Variants in COL19A1 observed in about 807,000 individuals in gnomAD.
COL19A1 encodes collagen alpha-1(XIX) chain.
COL19A1 carries 159 observed loss-of-function variants against 190.2 expected under a neutral mutation model. The observed-to-expected ratio is 0.84, with a 90% confidence interval of 0.73 to 0.95. The LOEUF (loss-of-function observed/expected upper bound fraction) is 0.95. Ranked by LOEUF, COL19A1 falls within the 40% of genes least tolerant of loss-of-function variation. The probability of loss-of-function intolerance (pLI) is 0.00; values close to 1 mark genes in which losing one functional copy is unlikely to be tolerated. For synonymous variants in COL19A1, 509 were observed against 458.9 expected (o/e 1.11, Z -1.39); for missense variants, 1,418 against 1,431.9 (o/e 0.99, Z 0.16).
At chr6:69,963,347 G>T (rs1188531533) in intron 11 of COL19A1, among the ~76,000 whole-genome samples, 1 of 152,172 alleles carries the variant, frequency 6.6e-6, no homozygotes, top group Non-Finnish European at 1.5e-5. Flanking sequence ...TAAAGGCATG[G>T]TTTAAAAAGT....
In COL19A1 at chr6:70,023,705, A is replaced by G; in HGVS notation, c.1080+25A>G. 1.3e-6 allele frequency: 2 copies of G among 1,593,444 alleles called. 1 individual carries two copies. Among genetic ancestry groups the G allele is most frequent in the South Asian group, 2.3e-5 (2 of 87,976 alleles). ...TGTAAGCCTAACTCTTTTTTCTGAT[A>G]CTCTGTTTACATTTTACCACTAAGA... On this transcript the variant is annotated intron_variant, in intron 12 of 50. Coordinates refer to ENST00000620364, the MANE Select transcript of COL19A1 (RefSeq NM_001858.6).
intron 15 of COL19A1, among the ~76,000 whole-genome samples, chr6:70,098,164 T>A (rs999902872): frequency 6.6e-6 from 1 of 152,058 alleles, no homozygotes; most frequent in African/African-American, 2.4e-5. Context: ...GCAAAGAAAA[T>A]AACAAAGATT....
chr6:70,102,171 A>T lies in COL19A1; in HGVS notation c.1227A>T (p.Gly409=), dbSNP rs1161034092. Residue 409 remains glycine, a splice_region_variant and synonymous_variant, in exon 16 of 51, where the codon GGA becomes GGT. Coordinates refer to ENST00000620364, the MANE Select transcript of COL19A1 (RefSeq NM_001858.6). The stretch of plus-strand genomic sequence containing the variant: ...ATCTATTCTTCTTTGGTTTCAAGGG[A>T]AGACGAGGGAAAACAGGACCTCCCG... The part of the protein sequence containing the change: ...QGPPGKEGQR[G]RRGKTGPPGK... 1 of 1,612,440 alleles carries T rather than the reference A, an allele frequency of 6.2e-7. No homozygotes were observed. Among genetic ancestry groups the T allele is most frequent in the South Asian group, 1.1e-5 (1 of 91,034 alleles).
chr6:70,098,468 C>T lies in COL19A1; in HGVS notation c.1225-3701C>T, dbSNP rs183662331. 9.9e-5 allele frequency: 50 copies of T among 506,984 alleles called. No homozygotes were observed. The East Asian group carries it at 2.0e-3, about 20-fold the overall frequency. 31.4% of individuals were successfully genotyped at this position (506,984 alleles called of 1,614,324 possible). Reference sequence around the variant, plus strand: ...TTCTCAGAATCCACGCCTGAATCTGCGGTATACAATATTCAGGTGCCTCAT... The same window carrying T: ...TTCTCAGAATCCACGCCTGAATCTGTGGTATACAATATTCAGGTGCCTCAT... On this transcript the variant is annotated intron_variant, in intron 15 of 50. Transcript: ENST00000620364.
chr6:70,156,790 A>C (rs1787469072), intron 34 of COL19A1, 67 bp downstream of exon 34: 1 of 1,313,786 alleles, frequency 7.6e-7, no homozygotes, highest in Non-Finnish European at 1.1e-6. Context: ...AACAGAGTAA[A>C]AATGTTAATT....
At chr6:70,077,104 C>T (rs1781929018) in intron 15 of COL19A1, among the ~76,000 whole-genome samples, 1 of 152,062 alleles carries the variant, frequency 6.6e-6, no homozygotes, top group Non-Finnish European at 1.5e-5. Context: ...ACTTTGAAAG[C>T]CAGCAAATTA....
chr6:70,131,670 G>A (rs1785532066), intron 18 of COL19A1, among the ~76,000 whole-genome samples: 1 of 151,426 alleles, frequency 6.6e-6, no homozygotes, highest in East Asian at 1.9e-4. Context: ...CAGGCTAAGG[G>A]GAAAAAAAAG....
Position 69,927,984 on chromosome 6 carries a change from G to C in COL19A1, c.342G>C (p.Lys114Asn). 1 of 1,613,306 alleles carries C rather than the reference G, an allele frequency of 6.2e-7. No individual in the cohort carries two copies. The highest frequency in any genetic ancestry group is 8.5e-7 in the Non-Finnish European group (1 of 1,179,508). ...AMFRVRRNAK[K>N]ERWFLWQVLN... ...TTCGAGTACGAAGAAACGCCAAAAA[G>C]GAACGGTGGTTTCTGTGGCAGGTTT... Residue 114 changes from lysine to asparagine, a missense_variant, in exon 5 of 51, where the codon AAG (lysine) becomes AAC (asparagine). Coordinates refer to ENST00000620364, the MANE Select transcript of COL19A1 (RefSeq NM_001858.6).
chr6:70,032,532 A>G (rs1345702944), intron 12 of COL19A1, among the ~76,000 whole-genome samples: 1 of 152,186 alleles, frequency 6.6e-6, no homozygotes, highest in African/African-American at 2.4e-5. Flanking sequence ...ATAAAAGGGA[A>G]CAGGAGAAAA....
At chr6:69,902,926 G>A (rs9446169) in intron 4 of COL19A1, among the ~76,000 whole-genome samples, 13,912 of 152,216 alleles carry the variant, frequency 0.091, 756 homozygotes, top group East Asian at 0.21. Context: ...TTTTAGGGGT[G>A]TTGGGGCAGG....
At chr6:70,181,501 T>A (rs1280220592) in intron 44 of COL19A1, among the ~76,000 whole-genome samples, 1 of 151,988 alleles carries the variant, frequency 6.6e-6, no homozygotes, top group Non-Finnish European at 1.5e-5. Flanking sequence ...GCAAGGCATA[T>A]CATTAAAGCC....
chr6:69,937,027 T>C, intron 8 of COL19A1, 117 bp downstream of exon 8: 1 of 1,360,248 alleles, frequency 7.4e-7, no homozygotes, highest in African/African-American at 1.5e-5. Context: ...TTGAAGTAAA[T>C]ACCTCAGTTA....
At chr6:69,948,096 C>T (rs1404463063) in intron 9 of COL19A1, among the ~76,000 whole-genome samples, 1 of 151,770 alleles carries the variant, frequency 6.6e-6, no homozygotes, top group African/African-American at 2.4e-5. Context: ...CTAAATTTAC[C>T]TTGTACCCTT....
chr6:70,174,688 A>C (rs1192729076), intron 41 of COL19A1, among the ~76,000 whole-genome samples: 1 of 152,164 alleles, frequency 6.6e-6, no homozygotes, highest in Non-Finnish European at 1.5e-5. Flanking sequence ...TGAGTACTGG[A>C]CGGAAGAATG....
intron 41 of COL19A1, among the ~76,000 whole-genome samples, chr6:70,174,338 C>T (rs909757035): frequency 3.9e-5 from 6 of 152,218 alleles, no homozygotes; most frequent in Admixed American, 2.6e-4. Flanking sequence ...GAGGCCAAGG[C>T]GGGCAGATCA....
At chr6:70,058,729 T>C (rs934226188) in intron 14 of COL19A1, among the ~76,000 whole-genome samples, 39 of 152,090 alleles carry the variant, frequency 2.6e-4, no homozygotes, top group African/African-American at 8.7e-4. Context: ...CATTCTTAAA[T>C]TCTACTTCTC....
chr6:70,023,556 A>G lies in COL19A1; in HGVS notation c.1027-71A>G, dbSNP rs141489378. Reference sequence around the variant, plus strand: ...ATATTGTTATAAATACCCAACCAACATAACTTTATTTTTTGCTAGCAAAGG... The same window carrying G: ...ATATTGTTATAAATACCCAACCAACGTAACTTTATTTTTTGCTAGCAAAGG... On this transcript the variant is annotated intron_variant, in intron 11 of 50. Coordinates refer to ENST00000620364, the MANE Select transcript of COL19A1 (RefSeq NM_001858.6). 990 of 1,304,294 alleles carry G rather than the reference A, an allele frequency of 7.6e-4. 6 individuals are homozygous for G. The African/African-American group carries it at 0.013, about 17-fold the overall frequency. The allele number at this position is 1,304,294 out of a possible 1,614,324, so 80.8% of individuals were successfully genotyped here. A position where few individuals can be genotyped will look rare whatever the true frequency, so the allele number is the denominator to read the frequency against.
At chr6:70,113,876 A>AGTC (rs1481401885) in intron 16 of COL19A1, among the ~76,000 whole-genome samples, 1 of 105,496 alleles carries the variant, frequency 9.5e-6, no homozygotes, top group Non-Finnish European at 1.7e-5. Flanking sequence ...TTGGAGATGG[A>AGTC]GTCTTGCTCT....
chr6:70,210,280 C>T lies in COL19A1; in HGVS notation c.*3006C>T, dbSNP rs637054. ...TTTCTATGCAAAGATTAAAGTATGA[C>T]TTCAATTCATATTTATGGCCTTTGG... On this transcript the variant is annotated 3_prime_UTR_variant, in exon 51 of 51. Transcript: ENST00000620364. Among the ~76,000 whole-genome samples the T allele has an allele frequency of 0.055, 8,410 of 152,086 alleles. 790 individuals carry two copies. The highest frequency in any genetic ancestry group is 0.19 in the African/African-American group (7,859 of 41,452).
Sources: allele counts gnomAD v4.1 joint callset (sites outside exome capture counted in the v4.1 genomes callset), GRCh38; gene constraint gnomAD v4.1.1; transcripts MANE v1.5; gene names NCBI Gene and HGNC (gene_info 2026-07-23, HGNC 2026-07-21).